Variants in RILPL1 observed in about 807,000 individuals in gnomAD.
RILPL1 encodes the protein Rab interacting lysosomal protein like 1.
In RILPL1, 33 loss-of-function variants were observed where a neutral mutation model predicts 50.3. The observed-to-expected ratio is 0.66, with a 90% CI of 0.50 to 0.88. RILPL1 has a LOEUF of 0.88. Among genes scored for constraint, RILPL1 ranks in the 40% least tolerant of loss-of-function variants. The probability of loss-of-function intolerance (pLI) is 0.00; values close to 1 mark genes in which losing one functional copy is unlikely to be tolerated. For synonymous variants in RILPL1, 205 were observed against 228.6 expected, an observed-to-expected ratio of 0.90 and a Z score of 0.93; for missense variants, 418 against 542.5, an observed-to-expected ratio of 0.77 and a Z score of 2.28.
At chr12:123,472,866 G>A (rs957249070) in intron 6 of RILPL1, 184 bp from the exon 7 acceptor site, 14 of 618,836 alleles carry the variant, frequency 2.3e-5, no homozygotes, top group Admixed American at 5.7e-5. Context: ...TATTCTGCGT[G>A]TCATTTGGAC....
At chr12:123,523,782 C>T (rs1416620208) in intron 1 of RILPL1, 137 bp from the exon 2 acceptor site, 1 of 927,852 alleles carries the variant, frequency 1.1e-6, no homozygotes, top group Non-Finnish European at 1.6e-6. Context: ...CCGGCAAGGC[C>T]ACCACGAGTC....
chr12:123,515,669 C>CTT (rs1306039434), intron 2 of RILPL1, among the ~76,000 whole-genome samples: 2 of 151,660 alleles, frequency 1.3e-5, no homozygotes, highest in Non-Finnish European at 2.9e-5. Flanking sequence ...CCAGGATGGT[C>CTT]TTTATCTCTT....
chr12:123,493,145 C>T (rs989275197), intron 4 of RILPL1, among the ~76,000 whole-genome samples: 3 of 152,164 alleles, frequency 2.0e-5, no homozygotes, highest in Non-Finnish European at 2.9e-5. Flanking sequence ...GTATAAAACC[C>T]GATTGTACGT....
chr12:123,472,704 CAG>C lies in RILPL1; in HGVS notation c.1068-24_1068-23del, dbSNP rs762609085. 3.2e-6 allele frequency: 5 copies of C among 1,586,640 alleles called. No homozygotes were observed. The African/African-American group carries it at 5.4e-5, about 17-fold the overall frequency. On this transcript the variant is annotated intron_variant, in intron 6 of 6. Coordinates refer to ENST00000376874, the MANE Select transcript of RILPL1 (RefSeq NM_178314.5). The stretch of plus-strand genomic sequence containing the variant: ...AAACCTTTGGAAGGGAAAGCAAACA[CAG>C]AAATGAGAGCTGACCCTTTGCTGTG...
intron 2 of RILPL1, among the ~76,000 whole-genome samples, chr12:123,510,235 C>T (rs1884003759): frequency 6.6e-6 from 1 of 152,218 alleles, no homozygotes; most frequent in Non-Finnish European, 1.5e-5. Context: ...TGTGGGGGGC[C>T]CGCCTGTGCC....
intron 2 of RILPL1, among the ~76,000 whole-genome samples, chr12:123,513,060 G>C (rs1056797428): frequency 1.4e-5 from 2 of 139,346 alleles, no homozygotes; most frequent in Non-Finnish European, 3.0e-5. Context: ...TGTGTGTGAG[G>C]TCTGCGTGTG....
intron 4 of RILPL1, among the ~76,000 whole-genome samples, chr12:123,487,831 TGAG>T (rs1273381080): frequency 2.6e-5 from 4 of 152,220 alleles, no homozygotes; most frequent in African/African-American, 7.2e-5. Flanking sequence ...TTTAACTTGT[TGAG>T]GAGTTGTCAA....
At position 123,471,921 on chromosome 12, in the gene RILPL1, G is replaced by A. The variant is rs115600261; in HGVS notation, c.*617C>T. On this transcript the variant is annotated 3_prime_UTR_variant, in exon 7 of 7. Coordinates refer to ENST00000376874, the MANE Select transcript of RILPL1 (RefSeq NM_178314.5). ...TGCTACATGCTCTAGGCATTATCAG[G>A]AACGCAGCCAGGGTGCCTGCAAAGT... is the stretch of plus-strand genomic sequence containing the variant. 1,293 of 153,654 alleles carry A rather than the reference G, an allele frequency of 8.4e-3. 26 individuals are homozygous for A. The highest frequency in any genetic ancestry group is 0.029 in the African/African-American group (1,193 of 41,552). The allele number at this position is 153,654 out of a possible 1,614,324, so 9.5% of individuals were successfully genotyped here. A position where few individuals can be genotyped will look rare whatever the true frequency, so the allele number is the denominator to read the frequency against.
chr12:123,475,556 C>T (rs2139304045), intron 6 of RILPL1: 2 of 721,050 alleles, frequency 2.8e-6, no homozygotes, highest in South Asian at 3.0e-5. Context: ...AGGTGGCGGC[C>T]ATGCAGCTTA....
At chr12:123,518,362 C>A in intron 2 of RILPL1, 1 of 424,332 alleles carries the variant, frequency 2.4e-6, no homozygotes, top group South Asian at 1.7e-5. Context: ...TAAAACTTAG[C>A]CAGGCGTGGT....
At chr12:123,486,816 T>C (rs1374745292) in intron 4 of RILPL1, among the ~76,000 whole-genome samples, 2 of 151,854 alleles carry the variant, frequency 1.3e-5, no homozygotes, top group Non-Finnish European at 2.9e-5. Flanking sequence ...TTTTTTTTTT[T>C]TTGAGACGGA....
At chr12:123,518,380 A>G in intron 2 of RILPL1, 1 of 413,324 alleles carries the variant, frequency 2.4e-6, no homozygotes, top group Non-Finnish European at 4.8e-6. Context: ...GGTGGTGCAC[A>G]CCTGTCATCC....
chr12:123,521,597 T>A (rs373298667), intron 2 of RILPL1, among the ~76,000 whole-genome samples: 60 of 4,622 alleles, frequency 0.013, 2 homozygotes, highest in South Asian at 0.036. Flanking sequence ...ATATATATAT[T>A]AATATATATA....
chr12:123,484,095 G>C (rs2139316386), intron 6 of RILPL1, 85 bp downstream of exon 6: 2 of 829,980 alleles, frequency 2.4e-6, no homozygotes, highest in South Asian at 3.1e-5. Flanking sequence ...GCCTGGCCCT[G>C]GGAGCAGGTG....
At chr12:123,512,352 A>G (rs111173993) in intron 2 of RILPL1, among the ~76,000 whole-genome samples, 773 of 72,488 alleles carry the variant, frequency 0.011, 7 homozygotes, top group Middle Eastern at 0.021. Context: ...TGAGGTCTGT[A>G]TGTGTGTGTG....
chr12:123,533,452 C>T lies in RILPL1; in HGVS notation c.31G>A (p.Ala11Thr), dbSNP rs773424600. 1.9e-5 allele frequency: 29 copies of T among 1,529,296 alleles called. No individual in the cohort carries two copies. In the South Asian group the frequency reaches 2.5e-4, roughly 13 times the overall value. 94.7% of individuals were successfully genotyped at this position (1,529,296 alleles called of 1,614,324 possible). The part of the protein sequence containing the change: MEEERGSALA[A>T]ESALEKNVAE... ...ACGTTCTTCTCCAGCGCCGACTCGG[C>T]CGCCAGCGCCGACCCCCGCTCCTCC... The change falls in exon 1 of 7, where the codon GCC (alanine) becomes ACC (threonine). Residue 11 changes from alanine to threonine, a missense_variant. Physicochemically the swap from Ala to Thr is moderately conservative, Grantham distance 58. Transcript: ENST00000376874. The surrounding 1 kb of genome is among the most constrained non-coding windows in gnomAD (Gnocchi z 6.2).
intron 6 of RILPL1, among the ~76,000 whole-genome samples, chr12:123,476,696 G>A (rs992227503): frequency 2.0e-5 from 3 of 152,074 alleles, no homozygotes; most frequent in South Asian, 2.1e-4. Flanking sequence ...CTTACAGTCC[G>A]AAGAAGGAGC....
intron 4 of RILPL1, among the ~76,000 whole-genome samples, chr12:123,487,165 G>A (rs952019262): frequency 1.3e-5 from 2 of 152,184 alleles, no homozygotes; most frequent in African/African-American, 4.8e-5. Flanking sequence ...AAATGCCAAT[G>A]TAGTTTCTGT....
intron 2 of RILPL1, among the ~76,000 whole-genome samples, chr12:123,512,673 A>G (rs1454124863): frequency 1.5e-4 from 12 of 77,632 alleles, no homozygotes; most frequent in African/African-American, 2.2e-4. Context: ...TGTGTGTGTG[A>G]GGTCTGTGTG....
Sources: gnomAD v4.1 joint callset for allele counts (sites outside exome capture counted in the v4.1 genomes callset) on GRCh38, gnomAD v4.1.1 for gene constraint, Gnocchi (gnomAD v3.1) non-coding constraint, MANE v1.5 for transcripts, NCBI Gene and HGNC (gene_info 2026-07-23, HGNC 2026-07-21) for gene names.